The following OXR1 variants were observed in gnomAD, a reference collection of about 807,000 sequenced individuals.
The protein encoded by OXR1 is oxidation resistance protein 1.
Under a neutral mutation model 104.6 loss-of-function variants are expected in OXR1, and 41 were observed. The ratio of observed to expected loss-of-function variants is 0.39; its 90% confidence interval spans 0.31 to 0.51. OXR1 has a LOEUF of 0.51. OXR1 is among the 20% of genes least tolerant of loss of function. The pLI, the probability that OXR1 is intolerant of heterozygous loss-of-function variation, is 0.77. For missense variants in OXR1, 955 were observed against 1,031.9 expected (o/e 0.93, Z 1.02); for synonymous variants, 348 against 348.4 (o/e 1.00, Z 0.01).
At chr8:106,618,073 C>T in intron 3 of OXR1, 1 of 1,535,132 alleles carries the variant, frequency 6.5e-7, no homozygotes, top group Admixed American at 2.0e-5. Flanking sequence ...TGTTATATTA[C>T]CCTGAGAAGC....
At chr8:106,321,929 T>C (rs544399174) in intron 1 of OXR1, among the ~76,000 whole-genome samples, 1 of 152,336 alleles carries the variant, frequency 6.6e-6, no homozygotes, top group African/African-American at 2.4e-5. Flanking sequence ...CAACTTTATA[T>C]ATCTTCATTA....
chr8:106,527,087 C>A (rs1430860107), intron 3 of OXR1, among the ~76,000 whole-genome samples: 1 of 152,100 alleles, frequency 6.6e-6, no homozygotes, highest in Non-Finnish European at 1.5e-5. Flanking sequence ...AGACCATAAA[C>A]AAAGTAGTTA....
intron 2 of OXR1, among the ~76,000 whole-genome samples, chr8:106,459,860 G>T (rs918707572): frequency 8.5e-5 from 13 of 152,120 alleles, no homozygotes; most frequent in African/African-American, 3.1e-4. Context: ...TCAGAAAGAT[G>T]ATACATGGTT....
chr8:106,536,661 A>G (rs1331626493), intron 3 of OXR1, among the ~76,000 whole-genome samples: 2 of 151,998 alleles, frequency 1.3e-5, no homozygotes, highest in East Asian at 1.9e-4. Flanking sequence ...GTAGGTGTAT[A>G]TATTTATTGG....
intron 1 of OXR1, among the ~76,000 whole-genome samples, chr8:106,319,308 A>G (rs1814114258): frequency 6.6e-6 from 1 of 152,198 alleles, no homozygotes; most frequent in East Asian, 1.9e-4. Context: ...CAGAGCCAGA[A>G]GGACAGGGTG....
intron 3 of OXR1, among the ~76,000 whole-genome samples, chr8:106,520,895 G>A (rs1813208904): frequency 6.6e-6 from 1 of 152,082 alleles, no homozygotes; most frequent in Non-Finnish European, 1.5e-5. Context: ...GACCAACTTG[G>A]CCACCATGAC....
chr8:106,464,849 C>T (rs1241951512), intron 2 of OXR1, among the ~76,000 whole-genome samples: 1 of 152,036 alleles, frequency 6.6e-6, no homozygotes, highest in Admixed American at 6.6e-5. Context: ...GTTCCTTGTT[C>T]TGTATCACTG....
At chr8:106,369,770 A>T (rs895874538) in intron 2 of OXR1, among the ~76,000 whole-genome samples, 2 of 152,208 alleles carry the variant, frequency 1.3e-5, no homozygotes, top group African/African-American at 4.8e-5. Flanking sequence ...CTATTTTGGT[A>T]CAAGTACCAT....
chr8:106,528,068 C>A (rs1347182146), intron 3 of OXR1, among the ~76,000 whole-genome samples: 1 of 152,064 alleles, frequency 6.6e-6, no homozygotes, highest in Non-Finnish European at 1.5e-5. Flanking sequence ...ACTGTCCTTT[C>A]CATTTTTTCT....
intron 1 of OXR1, among the ~76,000 whole-genome samples, chr8:106,299,380 T>C (rs183603659): frequency 2.7e-4 from 41 of 152,206 alleles, no homozygotes; most frequent in Admixed American, 2.7e-3. Context: ...GAAAATATTT[T>C]TGAATAGTAA....
intron 6 of OXR1, among the ~76,000 whole-genome samples, chr8:106,687,141 T>G (rs1828818372): frequency 6.6e-6 from 1 of 152,180 alleles, no homozygotes; most frequent in African/African-American, 2.4e-5. Flanking sequence ...TGGTTTTCTT[T>G]CTGGAGCAGT....
chr8:106,680,503 C>T (rs934367954), intron 4 of OXR1, among the ~76,000 whole-genome samples: 3 of 151,984 alleles, frequency 2.0e-5, no homozygotes, highest in East Asian at 3.8e-4. Flanking sequence ...TATTTTGTTT[C>T]TCCAGAACTC....
chr8:106,339,504 AAAAAAAAAAAAAAAAATATATAT>A, intron 1 of OXR1, among the ~76,000 whole-genome samples: 1 of 41,846 alleles, frequency 2.4e-5, no homozygotes, highest in East Asian at 6.4e-4. Context: ...AAAAAAAAAA[AAAAAAAAAAAAAAAAATATATAT>A]ATATATATAT....
chr8:106,645,233 C>T (rs1462388701), intron 3 of OXR1, among the ~76,000 whole-genome samples: 1 of 152,190 alleles, frequency 6.6e-6, no homozygotes, highest in African/African-American at 2.4e-5. Context: ...ATCTTATCCC[C>T]AACCCTTCCT....
intron 1 of OXR1, among the ~76,000 whole-genome samples, chr8:106,302,593 A>C (rs917059896): frequency 9.9e-5 from 15 of 151,882 alleles, no homozygotes; most frequent in Non-Finnish European, 2.2e-4. Context: ...CTCAAAAAAA[A>C]AAAAAACAAG....
Position 106,285,632 on chromosome 8 carries a change from T to C in OXR1, c.-139+15265T>C, listed in dbSNP as rs569049551. ...CTCATTATTATTCACCAGGTACTTA[T>C]TATCTAGTAAGCAGAAGACGTAAGA... On this transcript the variant is annotated intron_variant, in intron 1 of 16. Transcript: ENST00000517566. 2.6e-5 allele frequency among the ~76,000 whole-genome samples: 4 copies of C among 151,988 alleles called. No individual in the cohort carries two copies. In the South Asian group the frequency reaches 8.3e-4, roughly 32 times the overall value.
At chr8:106,675,314 C>A (rs551536032) in intron 3 of OXR1, among the ~76,000 whole-genome samples, 1 of 152,236 alleles carries the variant, frequency 6.6e-6, no homozygotes, top group African/African-American at 2.4e-5. Context: ...ACAAACTTGA[C>A]CTCATGGATA....
At chr8:106,575,028 C>G (rs1019744646) in intron 3 of OXR1, among the ~76,000 whole-genome samples, 4 of 152,020 alleles carry the variant, frequency 2.6e-5, no homozygotes, top group African/African-American at 9.7e-5. Context: ...CATTATTTAT[C>G]CTGATATTAA....
At chr8:106,422,395 T>A (rs999560217) in intron 2 of OXR1, among the ~76,000 whole-genome samples, 3 of 152,176 alleles carry the variant, frequency 2.0e-5, no homozygotes, top group Admixed American at 2.0e-4. Context: ...TAATTCTGAA[T>A]GATAACTTTG....
Sources: gnomAD v4.1 joint callset for allele counts (sites outside exome capture counted in the v4.1 genomes callset) on GRCh38, gnomAD v4.1.1 for gene constraint, MANE v1.5 for transcripts, NCBI Gene and HGNC (gene_info 2026-07-23, HGNC 2026-07-21) for gene names.